NAV1: variants seen among roughly 807,000 people sequenced by gnomAD.
NAV1 encodes pore membrane and/or filament interacting like protein 3.
NAV1 carries 18 observed loss-of-function variants against 175.2 expected under a neutral mutation model. That is an observed-to-expected ratio of 0.10 (90% CI 0.07 to 0.15). The LOEUF (loss-of-function observed/expected upper bound fraction) is 0.15, where lower values mean the gene tolerates loss of function less well. Ranked by LOEUF, NAV1 falls within the 10% of genes least tolerant of loss-of-function variation. NAV1 has a pLI of 1.00. For synonymous variants in NAV1, 897 were observed against 978.7 expected (o/e 0.92, Z 1.56); for missense variants, 1,731 against 2,436.6 (o/e 0.71, Z 6.10).
At chr1:201,606,933 G>T (rs570885723) in intron 2 of NAV1, among the ~76,000 whole-genome samples, 22 of 152,228 alleles carry the variant, frequency 1.4e-4, no homozygotes, top group Admixed American at 7.2e-4. Context: ...TTGTAACCAA[G>T]AATCTTTATA....
intron 2 of NAV1, among the ~76,000 whole-genome samples, chr1:201,633,172 G>A (rs1466311861): frequency 6.6e-6 from 1 of 152,336 alleles, no homozygotes; most frequent in Admixed American, 6.5e-5. Flanking sequence ...TGCATAGGAA[G>A]TTAGCAGGTG....
rs183346702 is a variant in NAV1 at position 201,715,971 on chromosome 1, C to T, written c.861-2419C>T. ...GGATCTGAGCTAGAATCCCCCTCAC[C>T]AAGCTTAAGTCTAGAGATGTCTAGA... On this transcript the variant is annotated intron_variant, in intron 2 of 29. Coordinates refer to ENST00000367296, the Ensembl canonical transcript of NAV1. Among the ~76,000 whole-genome samples the T allele has an allele frequency of 4.4e-4, 67 of 151,926 alleles. 1 individual carries two copies. Among genetic ancestry groups the T allele is most frequent in the African/African-American group, 1.6e-3 (65 of 41,424 alleles).
At chr1:201,661,763 C>T (rs1026084944) in intron 1 of NAV1, among the ~76,000 whole-genome samples, 3 of 152,098 alleles carry the variant, frequency 2.0e-5, no homozygotes, top group Admixed American at 6.5e-5. Flanking sequence ...CTCTCCCCTC[C>T]GCTCACCCTC....
At chr1:201,647,765 T>G (rs1669022075), upstream of NAV1, among the ~76,000 whole-genome samples, 4 of 151,904 alleles carry the variant, frequency 2.6e-5, no homozygotes, top group Admixed American at 2.6e-4. Context: ...GGGAGGGGAA[T>G]GAGCACCCTG....
rs543456554 is a variant in NAV1 at position 201,785,226 on chromosome 1, C to G, written c.2805-84C>G. ...GCGTCTAGGGTCTGCATACCTCACA[C>G]CAATGGTCCTAAACTCTAGTTCCTA... On this transcript the variant is annotated intron_variant, in intron 7 of 29. Coordinates refer to ENST00000367296, the Ensembl canonical transcript of NAV1. The G allele has an allele frequency of 1.2e-4, 178 of 1,474,490 alleles. 2 individuals are homozygous for G. The South Asian group carries it at 1.8e-3, about 15-fold the overall frequency. 91.3% of individuals were successfully genotyped at this position (1,474,490 alleles called of 1,614,324 possible). A position where few individuals can be genotyped will look rare whatever the true frequency, so the allele number is the denominator to read the frequency against.
At chr1:201,714,035 C>T (rs1234041971) in intron 2 of NAV1, among the ~76,000 whole-genome samples, 1 of 152,142 alleles carries the variant, frequency 6.6e-6, no homozygotes, top group African/African-American at 2.4e-5. Flanking sequence ...CTCAGCCTCC[C>T]GAGTAGCTGG....
chr1:201,817,638 C>T (rs1679133783), intron 29 of NAV1, among the ~76,000 whole-genome samples: 1 of 152,056 alleles, frequency 6.6e-6, no homozygotes, highest in African/African-American at 2.4e-5. Flanking sequence ...CTGGCTTAAG[C>T]TAAATAATAG....
At chr1:201,696,422 T>C (rs988332983) in intron 1 of NAV1, among the ~76,000 whole-genome samples, 20 of 152,060 alleles carry the variant, frequency 1.3e-4, no homozygotes, top group African/African-American at 4.8e-4. Context: ...GCTTTACAGG[T>C]TTCAGAGCTG....
intron 3 of NAV1, among the ~76,000 whole-genome samples, chr1:201,737,668 C>G (rs1231322489): frequency 6.6e-6 from 1 of 152,102 alleles, no homozygotes; most frequent in Non-Finnish European, 1.5e-5. Flanking sequence ...GCACAAGACC[C>G]CTGTCCCTCC....
At chr1:201,570,511 A>G (rs1666501936) in intron 1 of NAV1, among the ~76,000 whole-genome samples, 2 of 152,216 alleles carry the variant, frequency 1.3e-5, no homozygotes, top group South Asian at 4.1e-4. Flanking sequence ...AGAATAGAGG[A>G]TAATAGGTCC....
At chr1:201,580,408 A>AT (rs887965588) in intron 1 of NAV1, among the ~76,000 whole-genome samples, 3 of 151,968 alleles carry the variant, frequency 2.0e-5, no homozygotes, top group Admixed American at 6.6e-5. Flanking sequence ...GACAAATAAA[A>AT]TTTTTTTTTG....
At chr1:201,632,076 C>A (rs1358020846) in intron 2 of NAV1, among the ~76,000 whole-genome samples, 2 of 152,068 alleles carry the variant, frequency 1.3e-5, no homozygotes, top group East Asian at 3.9e-4. Context: ...CAATGTGCTT[C>A]TCTCTGTCTT....
chr1:201,579,380 G>A (rs559712033), intron 1 of NAV1, among the ~76,000 whole-genome samples: 1 of 152,228 alleles, frequency 6.6e-6, no homozygotes, highest in Non-Finnish European at 1.5e-5. Flanking sequence ...TTTTGAGACA[G>A]AGTCTTACTC....
intron 3 of NAV1, among the ~76,000 whole-genome samples, chr1:201,756,805 TTTCCTTCTTTCTTTC>T (rs1558131233): frequency 1.0e-4 from 3 of 28,882 alleles, no homozygotes; most frequent in East Asian, 9.3e-4. Flanking sequence ...TCTTTCTTTC[TTTCCTTCTTTCTTTC>T]TTTCTTTCTT....
At chr1:201,632,726 C>G (rs780105575) in intron 2 of NAV1, among the ~76,000 whole-genome samples, 3 of 152,210 alleles carry the variant, frequency 2.0e-5, no homozygotes, top group Non-Finnish European at 4.4e-5. Context: ...AGAGCCTCCT[C>G]CCTGCCTCCT....
chr1:201,584,256 C>G (rs1166423109), intron 1 of NAV1, among the ~76,000 whole-genome samples: 1 of 152,204 alleles, frequency 6.6e-6, no homozygotes, highest in Non-Finnish European at 1.5e-5. Context: ...AACCATTGCT[C>G]TTTTTCATGA....
rs1302335274 is a variant in NAV1 at position 201,794,803 on chromosome 1, C to G, written c.3517+226C>G. 7.3e-6 allele frequency: 4 copies of G among 545,414 alleles called. No homozygotes were observed. In the East Asian group the frequency reaches 1.3e-4, roughly 17 times the overall value. The allele number at this position is 545,414 out of a possible 1,614,324, so 33.8% of individuals were successfully genotyped here. A position where few individuals can be genotyped will look rare whatever the true frequency, so the allele number is the denominator to read the frequency against. ...GGCAAGTAGAGGAGACCTGTAAGCC[C>G]CAGGGGTCCTCTCCTTAACCTTTAC... On this transcript the variant is annotated intron_variant, in intron 15 of 29. Transcript: ENST00000367296.
chr1:201,629,807 G>C lies in NAV1; in HGVS notation c.4+300G>C, dbSNP rs531636787. Reference sequence around the variant, plus strand: ...CACAAAGGTAACAAGCTGGGAGTGAGAGCCAGGTTCTGAGTGGTGCCCAGG... The same window carrying C: ...CACAAAGGTAACAAGCTGGGAGTGACAGCCAGGTTCTGAGTGGTGCCCAGG... On this transcript the variant is annotated intron_variant, in intron 2 of 29. Transcript: ENST00000367302. Among the ~76,000 whole-genome samples, 6 of 152,292 alleles carry C rather than the reference G, an allele frequency of 3.9e-5. No individual in the cohort carries two copies. In the South Asian group the frequency reaches 6.2e-4, roughly 16 times the overall value.
chr1:201,574,310 A>G (rs1262929681), intron 1 of NAV1, among the ~76,000 whole-genome samples: 1 of 152,190 alleles, frequency 6.6e-6, no homozygotes, highest in Admixed American at 6.5e-5. Context: ...CGAGAGAGAC[A>G]TTCATTCTCT....
Sources: gnomAD v4.1 joint callset for allele counts (sites outside exome capture counted in the v4.1 genomes callset) on GRCh38, gnomAD v4.1.1 for gene constraint, MANE v1.5 for transcripts, NCBI Gene and HGNC (gene_info 2026-07-23, HGNC 2026-07-21) for gene names.